KDM4C: variants seen among roughly 807,000 people sequenced by gnomAD.
The protein encoded by KDM4C is lysine demethylase 4C, also known as lysine-specific demethylase 4C.
In KDM4C, 81 loss-of-function variants were observed where a neutral mutation model predicts 129.3. That is an observed-to-expected ratio of 0.63 (90% CI 0.52 to 0.75). The LOEUF (loss-of-function observed/expected upper bound fraction) is 0.75, where lower values mean the gene tolerates loss of function less well. Ranked by LOEUF, KDM4C falls within the 30% of genes least tolerant of loss-of-function variation. The pLI is 0.00. For missense variants in KDM4C, 1,457 were observed against 1,304.0 expected (o/e 1.12, Z -1.81); for synonymous variants, 573 against 456.1 (o/e 1.26, Z -3.26).
At chr9:7,015,036 C>G (rs1228641161) in intron 14 of KDM4C, among the ~76,000 whole-genome samples, 1 of 151,832 alleles carries the variant, frequency 6.6e-6, no homozygotes, top group African/African-American at 2.4e-5. Flanking sequence ...AATGTAGCAG[C>G]TATGCAGTGT....
chr9:7,018,980 A>G lies in KDM4C; in HGVS notation c.2259+3051A>G, dbSNP rs578058038. ...TTACAATGATTTTTAGACCTACATA[A>G]TTTATTTCTACCTGTAAGTGATCTG... On this transcript the variant is annotated intron_variant, in intron 15 of 21. Transcript: ENST00000381309. Among the ~76,000 whole-genome samples the G allele has an allele frequency of 1.9e-3, 288 of 152,224 alleles. 1 individual carries two copies. Among genetic ancestry groups the G allele is most frequent in the Non-Finnish European group, 3.1e-3 (213 of 67,998 alleles).
At chr9:6,966,066 G>A (rs1198842359) in intron 8 of KDM4C, among the ~76,000 whole-genome samples, 1 of 152,144 alleles carries the variant, frequency 6.6e-6, no homozygotes. Flanking sequence ...AACTTTCAGA[G>A]TTAACTTTGC....
intron 1 of KDM4C, among the ~76,000 whole-genome samples, chr9:6,750,492 G>A (rs1226603435): frequency 1.3e-5 from 2 of 150,652 alleles, no homozygotes; most frequent in Non-Finnish European, 2.9e-5. Context: ...CGAAAGTGAA[G>A]CATAGCTTCT....
chr9:7,081,475 G>C (rs1489863463), intron 17 of KDM4C, among the ~76,000 whole-genome samples: 1 of 152,192 alleles, frequency 6.6e-6, no homozygotes, highest in African/African-American at 2.4e-5. Context: ...GAACAGCAGA[G>C]GGAAGCCTGT....
In KDM4C at chr9:6,916,248, T is replaced by C. The variant is rs956450941; in HGVS notation, c.921+23016T>C. The stretch of plus-strand genomic sequence containing the variant: ...GTTTTACAGAGTTATCCGGACCTTT[T>C]TTATTCTGAGTGATGGGGAGCCTAT... On this transcript the variant is annotated intron_variant, in intron 8 of 21. Coordinates refer to ENST00000381309, the MANE Select transcript of KDM4C (RefSeq NM_015061.6). Among the ~76,000 whole-genome samples the C allele has an allele frequency of 2.0e-5, 3 of 152,148 alleles. No homozygotes were observed. The East Asian group carries it at 5.8e-4, about 29-fold the overall frequency.
chr9:6,989,813 C>T (rs1457970099), intron 11 of KDM4C, among the ~76,000 whole-genome samples: 3 of 152,160 alleles, frequency 2.0e-5, no homozygotes, highest in Non-Finnish European at 4.4e-5. Context: ...CTTGCCCTGT[C>T]ACCCAGGCTG....
chr9:7,052,898 A>AGAGAGAGAGAGAGAGAGCGAGAGAGC (rs1477487723), intron 17 of KDM4C, among the ~76,000 whole-genome samples: 1 of 47,530 alleles, frequency 2.1e-5, no homozygotes, highest in East Asian at 5.7e-4. Context: ...AGAGAGAGAG[A>AGAGAGAGAGAGAGAGAGCGAGAGAGC]GAGCGAGCGA....
At chr9:7,035,626 G>A (rs1432627135) in intron 15 of KDM4C, among the ~76,000 whole-genome samples, 2 of 151,918 alleles carry the variant, frequency 1.3e-5, no homozygotes, top group Non-Finnish European at 2.9e-5. Context: ...CAGATCTTAG[G>A]TTTAGGTCTT....
chr9:7,165,129 C>T, intron 19 of KDM4C, 109 bp from the exon 20 acceptor site: 1 of 1,314,248 alleles, frequency 7.6e-7, no homozygotes, highest in South Asian at 1.4e-5. Context: ...ATCCATAAAA[C>T]ACAGAGGCAA....
At chr9:6,949,879 T>C (rs1827808006) in intron 8 of KDM4C, among the ~76,000 whole-genome samples, 1 of 152,108 alleles carries the variant, frequency 6.6e-6, no homozygotes, top group African/African-American at 2.4e-5. Flanking sequence ...ATTTTTTTTG[T>C]TAATGAAGCC....
intron 12 of KDM4C, among the ~76,000 whole-genome samples, chr9:7,000,521 C>T (rs1820538303): frequency 6.6e-6 from 1 of 152,208 alleles, no homozygotes; most frequent in Admixed American, 6.5e-5. Context: ...ATAAATTCAA[C>T]CATAACCTTG....
chr9:6,919,279 C>CTCTTTCTTTCTGTCTCTA (rs1820990003), intron 8 of KDM4C, among the ~76,000 whole-genome samples: 1 of 117,500 alleles, frequency 8.5e-6, no homozygotes, highest in Non-Finnish European at 2.0e-5. Context: ...TTCTGTCTCT[C>CTCTTTCTTTCTGTCTCTA]TCTCTCTCTT....
At chr9:6,749,801 A>T (rs1184670588) in intron 1 of KDM4C, among the ~76,000 whole-genome samples, 1 of 151,572 alleles carries the variant, frequency 6.6e-6, no homozygotes, top group Non-Finnish European at 1.5e-5. Flanking sequence ...AGCCTGACCA[A>T]CATGGTGAAA....
At chr9:7,012,705 C>T (rs1304089202) in intron 13 of KDM4C, among the ~76,000 whole-genome samples, 2 of 152,292 alleles carry the variant, frequency 1.3e-5, no homozygotes, top group South Asian at 2.1e-4. Flanking sequence ...TGGAGGGTCA[C>T]AGTCCTCAGC....
rs749408036 is a variant in KDM4C, at chr9:6,916,966, C to G, written c.921+23734C>G. Among the ~76,000 whole-genome samples the G allele has an allele frequency of 5.3e-5, 8 of 152,270 alleles. No individual in the cohort carries two copies. In the East Asian group the frequency reaches 1.4e-3, roughly 26 times the overall value. On this transcript the variant is annotated intron_variant, in intron 8 of 21. Coordinates refer to ENST00000381309, the MANE Select transcript of KDM4C (RefSeq NM_015061.6). Reference sequence around the variant, plus strand: ...TCTCTCTGGTTTTGGGGAAATGATACAAAGTTGAATGAGGGAATCTGCCTA... The same window carrying G: ...TCTCTCTGGTTTTGGGGAAATGATAGAAAGTTGAATGAGGGAATCTGCCTA...
At position 7,119,645 on chromosome 9, in the gene KDM4C, A is replaced by G. The variant is rs557031507; in HGVS notation, c.2611-8421A>G. On this transcript the variant is annotated intron_variant, in intron 18 of 21. Coordinates refer to ENST00000381309, the MANE Select transcript of KDM4C (RefSeq NM_015061.6). Reference sequence around the variant, plus strand: ...ACCAAAAAGGAAAAAGAAAAAAAAAAAGAAAGAAAAACAAGTTTATTTTTC... The same window carrying G: ...ACCAAAAAGGAAAAAGAAAAAAAAAGAGAAAGAAAAACAAGTTTATTTTTC... Among the ~76,000 whole-genome samples the G allele has an allele frequency of 5.3e-5, 8 of 152,164 alleles. 1 individual carries two copies. The East Asian group carries it at 1.3e-3, about 26-fold the overall frequency.
intron 17 of KDM4C, among the ~76,000 whole-genome samples, chr9:7,090,614 A>G (rs1386609274): frequency 2.6e-5 from 4 of 152,196 alleles, no homozygotes; most frequent in Non-Finnish European, 1.5e-5. Flanking sequence ...TGAAGGAATG[A>G]CTTTGGAATG....
At chr9:6,856,537 T>TGC (rs1250352172) in intron 5 of KDM4C, among the ~76,000 whole-genome samples, 2 of 129,904 alleles carry the variant, frequency 1.5e-5, no homozygotes, top group East Asian at 2.2e-4. Context: ...TCTCTCTGTG[T>TGC]GCGTGTGTGT....
intron 1 of KDM4C, among the ~76,000 whole-genome samples, chr9:6,791,336 C>A (rs1826570232): frequency 6.6e-6 from 1 of 152,164 alleles, no homozygotes; most frequent in South Asian, 2.1e-4. Context: ...TGGTCTTGAA[C>A]TCCTGGCCTC....
Sources: gnomAD v4.1 joint callset for allele counts (sites outside exome capture counted in the v4.1 genomes callset) on GRCh38, gnomAD v4.1.1 for gene constraint, MANE v1.5 for transcripts, NCBI Gene and HGNC (gene_info 2026-07-23, HGNC 2026-07-21) for gene names.